ATP13A3: variants seen among roughly 807,000 people sequenced by gnomAD.
ATP13A3 encodes polyamine-transporting ATPase 13A3.
A neutral mutation model predicts 158.1 loss-of-function variants in ATP13A3; 59 were observed. The observed-to-expected ratio is 0.37, with a 90% CI of 0.30 to 0.46. ATP13A3 has a LOEUF of 0.46. ATP13A3 is among the 20% of genes least tolerant of loss of function. ATP13A3 has a pLI of 1.00. For missense variants in ATP13A3, 1,166 were observed against 1,525.2 expected (o/e 0.76, Z 3.92); for synonymous variants, 491 against 504.3 (o/e 0.97, Z 0.35).
intron 2 of ATP13A3, among the ~76,000 whole-genome samples, chr3:194,475,237 T>C (rs181217410): frequency 1.3e-3 from 194 of 152,360 alleles, no homozygotes; most frequent in Non-Finnish European, 2.2e-3. Context: ...ATAATTTTTT[T>C]CATTACTTCT....
At chr3:194,462,027 T>C (rs1176313671) in intron 3 of ATP13A3, 113 bp downstream of exon 3, 11 of 935,824 alleles carry the variant, frequency 1.2e-5, no homozygotes, top group East Asian at 2.6e-5. Flanking sequence ...AAGAAGCCCA[T>C]TGAGTTAGCT....
At chr3:194,420,103 T>C (rs1293309760) in intron 30 of ATP13A3, 136 bp from the exon 31 acceptor site, 2 of 975,468 alleles carry the variant, frequency 2.1e-6, no homozygotes, top group South Asian at 4.4e-5. Context: ...GAATAAAGTA[T>C]GTGCTCTGTT....
rs149510541 is a variant in ATP13A3 at position 194,407,421 on chromosome 3, A to G, written c.3574-1305T>C. ...TTGAAACATGTTTCTAAATTGGCCA[A>G]TGGAGAAGAGCAAAAATACTTTAAA... On this transcript the variant is annotated intron_variant, in intron 33 of 33. Coordinates refer to ENST00000645319, the MANE Select transcript of ATP13A3 (RefSeq NM_001367549.1). 3.4e-3 allele frequency among the ~76,000 whole-genome samples: 517 copies of G among 152,350 alleles called. 1 individual carries two copies. The highest frequency in any genetic ancestry group is 0.012 in the African/African-American group (498 of 41,586).
In ATP13A3 at chr3:194,406,033, A is replaced by G; in HGVS notation, c.3657T>C (p.Tyr1219=). 6.2e-7 allele frequency: 1 copy of G among 1,614,224 alleles called. No individual in the cohort carries two copies. The highest frequency in any genetic ancestry group is 1.1e-5 in the South Asian group (1 of 91,088). Residue 1219 remains tyrosine (Y), a synonymous_variant, in exon 34 of 34, where the codon TAT becomes TAC. Transcript: ENST00000645319. ...GATCAACCAAGAGCTCCTGCGCCAG[A>G]TACATGTACTTTGCCTTTGGTGTCT... ...RKKTPKAKYM[Y]LAQELLVDPE... is the part of the protein sequence containing the mutation.
chr3:194,414,631 G>A (rs1291007251), intron 31 of ATP13A3, among the ~76,000 whole-genome samples: 1 of 152,120 alleles, frequency 6.6e-6, no homozygotes, highest in Admixed American at 6.5e-5. Flanking sequence ...AAGACAGAAA[G>A]GTTTATAATA....
intron 33 of ATP13A3, among the ~76,000 whole-genome samples, chr3:194,408,795 C>T (rs1396874892): frequency 6.6e-6 from 1 of 152,112 alleles, no homozygotes; most frequent in East Asian, 1.9e-4. Flanking sequence ...AGTTTACAAA[C>T]ACAAACATAC....
Position 194,406,249 on chromosome 3 carries a change from G to A in ATP13A3, c.3574-133C>T, listed in dbSNP as rs183918066. 523 of 922,474 alleles carry A rather than the reference G, an allele frequency of 5.7e-4. 3 individuals carry two copies. The African/African-American group carries it at 8.1e-3, about 14-fold the overall frequency. 57.1% of individuals were successfully genotyped at this position (922,474 alleles called of 1,614,324 possible). On this transcript the variant is annotated intron_variant, in intron 33 of 33. Transcript: ENST00000645319. ...TGACTTCTGAGCACAACGAATGGGG[G>A]AAAAAAAAATCCATGTTAAAAAAAG...
At chr3:194,414,459 T>TAA (rs35965987) in intron 31 of ATP13A3, among the ~76,000 whole-genome samples, 2,468 of 134,290 alleles carry the variant, frequency 0.018, 78 homozygotes, top group African/African-American at 0.065. Flanking sequence ...GAACCTGCCT[T>TAA]AAAAAAAAAA....
At position 194,464,897 on chromosome 3, in the gene ATP13A3, A is replaced by G. The variant is rs572373214; in HGVS notation, c.-46-2661T>C. Among the ~76,000 whole-genome samples, 10 of 152,234 alleles carry G rather than the reference A, an allele frequency of 6.6e-5. No homozygotes were observed. The South Asian group carries it at 1.7e-3, about 25-fold the overall frequency. ...CTCCCAAAATGCTGAGACTGCAGGA[A>G]TGAGCCACCACATCCCATGGGGTCA... On this transcript the variant is annotated intron_variant, in intron 2 of 33. Transcript: ENST00000645319.
At chr3:194,457,339 A>T (rs1330472580) in intron 6 of ATP13A3, among the ~76,000 whole-genome samples, 165 bp from the exon 7 acceptor site, 2 of 152,218 alleles carry the variant, frequency 1.3e-5, no homozygotes, top group Admixed American at 6.5e-5. Flanking sequence ...TTAAATCTCA[A>T]ATTCTTAAGA....
chr3:194,472,920 T>C (rs1357367370), intron 2 of ATP13A3, among the ~76,000 whole-genome samples: 5 of 152,156 alleles, frequency 3.3e-5, no homozygotes, highest in African/African-American at 1.2e-4. Context: ...AAATACTATA[T>C]GTTCTCACTT....
intron 28 of ATP13A3, among the ~76,000 whole-genome samples, chr3:194,428,240 A>AAAAAGAG (rs1286759235): frequency 6.7e-6 from 1 of 150,088 alleles, no homozygotes; most frequent in African/African-American, 2.5e-5. Flanking sequence ...AAAAAAAAGA[A>AAAAAGAG]AAAAAGAAAT....
chr3:194,444,200 T>TA (rs1392641006), intron 15 of ATP13A3, among the ~76,000 whole-genome samples: 9 of 152,340 alleles, frequency 5.9e-5, no homozygotes, highest in South Asian at 2.1e-4. Flanking sequence ...GCCACATGCC[T>TA]ACAAGGACTT....
chr3:194,446,775 G>T, intron 14 of ATP13A3, 152 bp downstream of exon 14: 1 of 648,734 alleles, frequency 1.5e-6, no homozygotes, highest in Non-Finnish European at 2.5e-6. Flanking sequence ...ATAGAAAAAT[G>T]ATGCATATAC....
rs397972334 is a variant in ATP13A3, at chr3:194,421,944, C to CAAAAAAAAAAAAAAAAAAAAAAAA, written c.3314-1978_3314-1977insTTTTTTTTTTTTTTTTTTTTTTTT. 1.3e-4 allele frequency among the ~76,000 whole-genome samples: 13 copies of CAAAAAAAAAAAAAAAAAAAAAAAA among 97,500 alleles called. 3 individuals carry two copies. The highest frequency in any genetic ancestry group is 5.6e-4 in the African/African-American group (13 of 23,130). 64.0% of individuals were successfully genotyped at this position (97,500 alleles called of 152,430 possible). A position where few individuals can be genotyped will look rare whatever the true frequency, so the allele number is the denominator to read the frequency against. On this transcript the variant is annotated intron_variant, in intron 30 of 33. Transcript: ENST00000645319. The stretch of plus-strand genomic sequence containing the variant: ...TGGTTCTTGACATGTGTGTCGTTGG[C>CAAAAAAAAAAAAAAAAAAAAAAAA]AAAAAAAAAAAAAAAAAATTTACTC...
rs747016199 is a variant in ATP13A3 at position 194,444,750 on chromosome 3, C to T, written c.1534G>A (p.Gly512Arg). The part of the protein sequence containing the change: ...TLTEDGLDLW[G>R]IQRVENARFL... ...CGTGCATTTTCCACTCGTTGAATCCCCCAAAGATCTAAACCATCTTCAGTT... is the reference window on the plus strand; with the variant it reads ...CGTGCATTTTCCACTCGTTGAATCCTCCAAAGATCTAAACCATCTTCAGTT... Residue 512 changes from glycine (G) to arginine (R), a missense_variant, in exon 15 of 34, where the codon GGG (glycine) becomes AGG (arginine). Coordinates refer to ENST00000645319, the MANE Select transcript of ATP13A3 (RefSeq NM_001367549.1). 1 of 1,602,040 alleles carries T rather than the reference C, an allele frequency of 6.2e-7. No individual in the cohort carries two copies. Among genetic ancestry groups the T allele is most frequent in the East Asian group, 2.2e-5 (1 of 44,630 alleles).
rs781281079 is a variant in ATP13A3, at chr3:194,433,879, T to C, written c.2138A>G (p.Asn713Ser). Residue 713 changes from asparagine (N) to serine (S), a missense_variant, in exon 21 of 34, where the codon AAC (asparagine) becomes AGC (serine). By Grantham distance (46) the Asn-to-Ser change is conservative. Around this residue, in one of 3 missense-constraint regions of ATP13A3, gnomAD observed 997 missense variants for 1,341.2 expected, o/e 0.74. Coordinates refer to ENST00000645319, the MANE Select transcript of ATP13A3 (RefSeq NM_001367549.1). ...TATAATTAATCCCATAAAATCCATG[T>C]TGTTCTCAATTGCATCTCTGCAGAA... ...QNISRDAIEN[N>S]MDFMGLIIMQ... The C allele has an allele frequency of 3.7e-6, 6 of 1,613,912 alleles. No homozygotes were observed. The Admixed American group carries it at 1.0e-4, about 27-fold the overall frequency.
chr3:194,486,478 C>T (rs188725793), intron 1 of ATP13A3, 88 bp downstream of exon 1: 2,834 of 153,598 alleles, frequency 0.018, 41 homozygotes, highest in Non-Finnish European at 0.03. Flanking sequence ...TGGCCGCGAC[C>T]TCGCCCGGTA....
chr3:194,449,356 G>A (rs569586719), intron 11 of ATP13A3, among the ~76,000 whole-genome samples: 1 of 150,968 alleles, frequency 6.6e-6, no homozygotes, highest in South Asian at 2.1e-4. Flanking sequence ...AGATCAACTA[G>A]GACAATTAAA....
Sources: gnomAD v4.1 joint callset for allele counts (sites outside exome capture counted in the v4.1 genomes callset) on GRCh38, gnomAD v4.1.1 for gene constraint, gnomAD v4.1.1 regional missense constraint, MANE v1.5 for transcripts, NCBI Gene and HGNC (gene_info 2026-07-23, HGNC 2026-07-21) for gene names.